NRXN3: variants seen among roughly 807,000 people sequenced by gnomAD.
NRXN3 encodes the protein neurexin III.
NRXN3 carries 32 observed loss-of-function variants against 137.6 expected under a neutral mutation model. The ratio of observed to expected loss-of-function variants is 0.23; its 90% CI spans 0.18 to 0.31. The LOEUF is 0.31. NRXN3 is among the 10% of genes least tolerant of loss of function. NRXN3 has a pLI of 1.00. For synonymous variants in NRXN3, 798 were observed against 784.5 expected (o/e 1.02, Z -0.29); for missense variants, 1,574 against 2,062.5 (o/e 0.76, Z 4.59).
At chr14:78,328,713 T>G (rs758466729) in intron 4 of NRXN3, among the ~76,000 whole-genome samples, 2 of 152,190 alleles carry the variant, frequency 1.3e-5, no homozygotes, top group Non-Finnish European at 2.9e-5. Context: ...TAATCCAGCT[T>G]AAGAGCTAGG....
At chr14:78,271,757 C>T (rs781041166) in intron 2 of NRXN3, among the ~76,000 whole-genome samples, 3 of 152,182 alleles carry the variant, frequency 2.0e-5, no homozygotes, top group Non-Finnish European at 2.9e-5. Context: ...GAGTTATTAG[C>T]ATCAAAGAAC....
intron 20 of NRXN3, among the ~76,000 whole-genome samples, chr14:79,826,208 G>T (rs555472108): frequency 6.6e-6 from 1 of 152,062 alleles, no homozygotes; most frequent in Admixed American, 6.5e-5. Flanking sequence ...GGCCAGGCTG[G>T]TCTCAAACTC....
intron 4 of NRXN3, among the ~76,000 whole-genome samples, chr14:78,373,822 T>C (rs1316677981): frequency 6.6e-6 from 1 of 152,224 alleles, no homozygotes; most frequent in Non-Finnish European, 1.5e-5. Flanking sequence ...CACCCACATA[T>C]ACTGTATTAT....
intron 16 of NRXN3, among the ~76,000 whole-genome samples, chr14:79,547,569 G>T (rs1465649304): frequency 6.6e-6 from 1 of 152,056 alleles, no homozygotes; most frequent in East Asian, 1.9e-4. Flanking sequence ...TTCATTCCAG[G>T]TCTCTTCTCT....
At chr14:78,464,599 C>A (rs759135937) in intron 4 of NRXN3, among the ~76,000 whole-genome samples, 1 of 152,018 alleles carries the variant, frequency 6.6e-6, no homozygotes, top group East Asian at 1.9e-4. Context: ...TAAAATTATA[C>A]AAGAAAAAAT....
intron 15 of NRXN3, among the ~76,000 whole-genome samples, chr14:79,382,735 G>C (rs569668491): frequency 1.3e-5 from 2 of 152,190 alleles, no homozygotes; most frequent in African/African-American, 4.8e-5. Flanking sequence ...CCCTACATAT[G>C]AATTTACTCT....
chr14:79,147,729 CT>C (rs1568428385), intron 15 of NRXN3, among the ~76,000 whole-genome samples: 1 of 152,082 alleles, frequency 6.6e-6, no homozygotes, highest in Non-Finnish European at 1.5e-5. Flanking sequence ...CAGTGGGGTC[CT>C]TTTTGAAGTG....
At chr14:79,418,686 T>C (rs959527127) in intron 15 of NRXN3, among the ~76,000 whole-genome samples, 1 of 152,172 alleles carries the variant, frequency 6.6e-6, no homozygotes, top group Admixed American at 6.6e-5. Context: ...CCTATACTCT[T>C]AAGAAGTTCA....
chr14:78,510,257 G>A (rs2096077357), intron 4 of NRXN3, among the ~76,000 whole-genome samples: 1 of 151,804 alleles, frequency 6.6e-6, no homozygotes, highest in East Asian at 1.9e-4. Context: ...ATTAATATGT[G>A]TAAAGTACTT....
chr14:79,123,292 C>T (rs1366143292), intron 15 of NRXN3, among the ~76,000 whole-genome samples: 1 of 152,066 alleles, frequency 6.6e-6, no homozygotes, highest in East Asian at 1.9e-4. Flanking sequence ...CCCACTCTGT[C>T]CATTATTCAA....
rs200424474 is a variant in NRXN3 at position 79,243,767 on chromosome 14, AG to A, written c.3263-223451del. ...GTCTGGATATATCTAAACATAGAAAAGGGATAGCAAAAACATGGTATTGTAA... is the reference window on the plus strand; with the variant it reads ...GTCTGGATATATCTAAACATAGAAAAGGATAGCAAAAACATGGTATTGTAA... On this transcript the variant is annotated intron_variant, in intron 15 of 20. Coordinates refer to ENST00000335750, the MANE Select transcript of NRXN3 (RefSeq NM_001330195.2). Among the ~76,000 whole-genome samples the A allele has an allele frequency of 4.4e-4, 67 of 152,280 alleles. No homozygotes were observed. In the East Asian group the frequency reaches 0.011, roughly 25 times the overall value.
At chr14:78,754,000 C>T (rs1232497483) in intron 8 of NRXN3, 1 of 152,142 alleles carries the variant, frequency 6.6e-6, no homozygotes, top group Non-Finnish European at 1.5e-5. Context: ...ATTCATGAAT[C>T]AGGCAACATG....
intron 15 of NRXN3, among the ~76,000 whole-genome samples, chr14:79,268,243 G>A (rs1164530858): frequency 6.6e-6 from 1 of 152,122 alleles, no homozygotes; most frequent in Non-Finnish European, 1.5e-5. Flanking sequence ...GTTATTAGGT[G>A]ATACAGATCA....
At chr14:79,124,177 G>C (rs112946493) in intron 15 of NRXN3, among the ~76,000 whole-genome samples, 1 of 152,132 alleles carries the variant, frequency 6.6e-6, no homozygotes, top group African/African-American at 2.4e-5. Flanking sequence ...CATCCTTGCT[G>C]CTTTAGCTGA....
intron 15 of NRXN3, among the ~76,000 whole-genome samples, chr14:79,440,503 C>T (rs1300271985): frequency 6.6e-6 from 1 of 152,192 alleles, no homozygotes; most frequent in African/African-American, 2.4e-5. Context: ...TACCCCAGCA[C>T]ACTTATCATA....
At chr14:78,392,105 A>G (rs556051177) in intron 4 of NRXN3, among the ~76,000 whole-genome samples, 160 of 152,340 alleles carry the variant, frequency 1.1e-3, no homozygotes, top group African/African-American at 3.4e-3. Context: ...AAAATATTGC[A>G]AAGAGCTACC....
intron 3 of NRXN3, among the ~76,000 whole-genome samples, chr14:78,293,670 A>C (rs1315795601): frequency 6.6e-6 from 1 of 152,070 alleles, no homozygotes; most frequent in African/African-American, 2.4e-5. Flanking sequence ...GTATTGCAAA[A>C]ATAATCTTCT....
intron 15 of NRXN3, among the ~76,000 whole-genome samples, chr14:79,065,457 T>C (rs2099679633): frequency 6.6e-6 from 1 of 152,114 alleles, no homozygotes. Context: ...GGTGGCCATG[T>C]AGCCTATGGC....
intron 10 of NRXN3, among the ~76,000 whole-genome samples, chr14:78,872,231 T>C (rs900105680): frequency 1.4e-5 from 2 of 147,316 alleles, no homozygotes; most frequent in Non-Finnish European, 3.0e-5. Flanking sequence ...TGCTAATAAA[T>C]ATGTATATAC....
Sources: allele counts gnomAD v4.1 joint callset (sites outside exome capture counted in the v4.1 genomes callset), GRCh38; gene constraint gnomAD v4.1.1; transcripts MANE v1.5; gene names NCBI Gene and HGNC (gene_info 2026-07-23, HGNC 2026-07-21).